CYP39A1: variants seen among roughly 807,000 people sequenced by gnomAD.
The protein encoded by CYP39A1 is cytochrome P450 family 39 subfamily A member 1.
Under a neutral mutation model 58.1 loss-of-function variants are expected in CYP39A1, and 49 were observed. The ratio of observed to expected loss-of-function variants is 0.84; its 90% CI spans 0.67 to 1.07. The LOEUF (loss-of-function observed/expected upper bound fraction) is 1.07. CYP39A1 is among the 50% of genes least tolerant of loss of function. CYP39A1 has a pLI of 0.00. For missense variants in CYP39A1, 531 were observed against 539.4 expected, an observed-to-expected ratio of 0.98 and a Z score of 0.16; for synonymous variants, 209 against 187.6, an observed-to-expected ratio of 1.11 and a Z score of -0.93.
chr6:46,557,052 T>C (rs1770699243), intron 10 of CYP39A1, among the ~76,000 whole-genome samples: 1 of 151,900 alleles, frequency 6.6e-6, no homozygotes, highest in Admixed American at 6.6e-5. Context: ...TACAATATCT[T>C]AAATGAAAAA....
intron 1 of CYP39A1, among the ~76,000 whole-genome samples, chr6:46,650,582 G>A (rs950095049): frequency 2.2e-5 from 3 of 133,748 alleles, no homozygotes; most frequent in African/African-American, 8.4e-5. Flanking sequence ...TAGCTTACCG[G>A]AATCTGGAAC....
chr6:46,639,920 G>T (rs1776226991), intron 2 of CYP39A1, among the ~76,000 whole-genome samples: 1 of 152,134 alleles, frequency 6.6e-6, no homozygotes, highest in Admixed American at 6.5e-5. Flanking sequence ...TTCCAGACCA[G>T]CCTGACCAAC....
chr6:46,642,744 A>G (rs938562787), intron 1 of CYP39A1, among the ~76,000 whole-genome samples: 1 of 152,132 alleles, frequency 6.6e-6, no homozygotes, highest in African/African-American at 2.4e-5. Flanking sequence ...AATCCTATAC[A>G]CTTTTCTAAT....
intron 8 of CYP39A1, among the ~76,000 whole-genome samples, chr6:46,592,873 T>C (rs1471239243): frequency 6.6e-6 from 1 of 152,122 alleles, no homozygotes; most frequent in Non-Finnish European, 1.5e-5. Flanking sequence ...GGAGAATTGC[T>C]TGAACCTGGG....
At chr6:46,587,048 G>A (rs1210611062) in intron 10 of CYP39A1, 29 bp downstream of exon 10, 4 of 1,543,048 alleles carry the variant, frequency 2.6e-6, no homozygotes, top group East Asian at 4.5e-5. Context: ...AGACTTTCTG[G>A]ATAAATGTGG....
intron 10 of CYP39A1, among the ~76,000 whole-genome samples, chr6:46,576,264 C>T (rs1230373543): frequency 6.6e-6 from 1 of 152,152 alleles, no homozygotes; most frequent in African/African-American, 2.4e-5. Flanking sequence ...CAGGACCCGC[C>T]TCCAAAACGA....
chr6:46,576,479 G>C (rs575904742), intron 10 of CYP39A1, among the ~76,000 whole-genome samples: 71 of 152,124 alleles, frequency 4.7e-4, no homozygotes, highest in Non-Finnish European at 8.7e-4. Flanking sequence ...TAGCTCCCCA[G>C]CTATAGTTCT....
chr6:46,637,995 A>C lies in CYP39A1; in HGVS notation c.489-17T>G, dbSNP rs1312575924. 1.3e-6 allele frequency: 2 copies of C among 1,583,334 alleles called. No individual in the cohort carries two copies. The highest frequency in any genetic ancestry group is 1.4e-5 in the African/African-American group (1 of 72,770). ...AGGAGATGTCTACAAAGACAGAAAC[A>C]CACAAAAAGTCAGACCCGAAGACCA... is the stretch of plus-strand genomic sequence containing the variant. On this transcript the variant is annotated splice_polypyrimidine_tract_variant and intron_variant, in intron 3 of 11. Transcript: ENST00000275016.
intron 10 of CYP39A1, among the ~76,000 whole-genome samples, chr6:46,567,517 T>G (rs1019828553): frequency 1.3e-5 from 2 of 152,166 alleles, no homozygotes; most frequent in Admixed American, 1.3e-4. Context: ...ATATGGCAAT[T>G]TTTTTTAAAT....
chr6:46,650,970 T>A (rs369859176), intron 1 of CYP39A1, among the ~76,000 whole-genome samples: 1 of 152,212 alleles, frequency 6.6e-6, no homozygotes, highest in Non-Finnish European at 1.5e-5. Flanking sequence ...TTAGGAGATA[T>A]AATGTTTCAT....
intron 6 of CYP39A1, among the ~76,000 whole-genome samples, chr6:46,629,587 A>T (rs962021116): frequency 1.2e-4 from 18 of 152,164 alleles, no homozygotes; most frequent in African/African-American, 3.4e-4. Context: ...TATGCAGTAA[A>T]TTTTTCAACA....
intron 7 of CYP39A1, among the ~76,000 whole-genome samples, chr6:46,611,173 T>C (rs1380920806): frequency 6.6e-6 from 1 of 152,236 alleles, no homozygotes; most frequent in Non-Finnish European, 1.5e-5. Flanking sequence ...TAGTTCTGAC[T>C]TTTACAAGGA....
chr6:46,588,941 T>C (rs1304302109), intron 8 of CYP39A1, among the ~76,000 whole-genome samples: 1 of 152,122 alleles, frequency 6.6e-6, no homozygotes, highest in Non-Finnish European at 1.5e-5. Context: ...ATCATCACCA[T>C]GTTCAGGAAT....
intron 10 of CYP39A1, chr6:46,583,124 A>G (rs1412273650): frequency 2.0e-6 from 2 of 985,260 alleles, no homozygotes; most frequent in East Asian, 1.1e-4. Context: ...CACACTTTCT[A>G]TTCCTGAGGA....
intron 7 of CYP39A1, among the ~76,000 whole-genome samples, chr6:46,597,707 G>C (rs971303796): frequency 6.6e-6 from 1 of 152,046 alleles, no homozygotes; most frequent in African/African-American, 2.4e-5. Context: ...ATATGTGATG[G>C]AACAGTGAGA....
rs188318250 is a variant in CYP39A1, at chr6:46,627,505, G to A, written c.841-1997C>T. Among the ~76,000 whole-genome samples, 21 of 151,334 alleles carry A rather than the reference G, an allele frequency of 1.4e-4. No homozygotes were observed. The East Asian group carries it at 3.9e-3, about 28-fold the overall frequency. ...GCAATCTCGGCTCACTGCAAGCTCC[G>A]CCTCCTGGGTTCACACCATTCTTCT... On this transcript the variant is annotated intron_variant, in intron 6 of 11. Transcript: ENST00000275016.
chr6:46,607,125 T>C (rs114418020), intron 7 of CYP39A1, among the ~76,000 whole-genome samples: 166 of 152,240 alleles, frequency 1.1e-3, no homozygotes, highest in African/African-American at 3.6e-3. Context: ...TACGCCACAT[T>C]GCTTCCTCAA....
At chr6:46,640,195 A>T (rs373189406) in intron 2 of CYP39A1, among the ~76,000 whole-genome samples, 1 of 152,230 alleles carries the variant, frequency 6.6e-6, no homozygotes, top group African/African-American at 2.4e-5. Context: ...TAAATGGGTG[A>T]TTAAGAGAGC....
chr6:46,550,720 G>A (rs1770347211), intron 11 of CYP39A1, among the ~76,000 whole-genome samples: 1 of 152,170 alleles, frequency 6.6e-6, no homozygotes. Context: ...TGGCTAAAGA[G>A]GTTACCACAA....
Sources: allele counts gnomAD v4.1 joint callset (sites outside exome capture counted in the v4.1 genomes callset), GRCh38; gene constraint gnomAD v4.1.1; transcripts MANE v1.5; gene names NCBI Gene and HGNC (gene_info 2026-07-23, HGNC 2026-07-21).